Variants in AKR1B1 observed in about 807,000 individuals in gnomAD.
The protein encoded by AKR1B1 is aldo-keto reductase family 1 member B1.
A neutral mutation model predicts 40.4 loss-of-function variants in AKR1B1; 22 were observed. That is an observed-to-expected ratio of 0.54 (90% CI 0.39 to 0.78). AKR1B1 has a LOEUF of 0.78. Ranked by LOEUF, AKR1B1 falls within the 30% of genes least tolerant of loss-of-function variation. The probability of loss-of-function intolerance (pLI) is 0.00; values close to 1 mark genes in which losing one functional copy is unlikely to be tolerated. For synonymous variants in AKR1B1, 157 were observed against 149.9 expected (o/e 1.05, Z -0.35); for missense variants, 357 against 396.7 (o/e 0.90, Z 0.85).
Position 134,459,049 on chromosome 7 carries a change from A to G in AKR1B1, c.14T>C (p.Leu5Pro). The G allele has an allele frequency of 6.2e-7, 1 of 1,606,736 alleles. No individual in the cohort carries two copies. The highest frequency in any genetic ancestry group is 8.5e-7 in the Non-Finnish European group (1 of 1,177,256). Residue 5 changes from leucine (L) to proline (P), a missense_variant, in exon 1 of 10, where the codon CTC (leucine) becomes CCC (proline). Physicochemically the swap from Leu to Pro is moderately conservative, Grantham distance 98. Transcript: ENST00000285930. MASRLLLNNGAKMPI... is the reference protein window; with the variant it reads MASRPLLNNGAKMPI... ...CATCTTGGCGCCGTTGTTGAGCAGG[A>G]GACGGCTTGCCATGGCTGCTGCGCT...
chr7:134,448,359 C>T (rs6963238), intron 6 of AKR1B1, 28 bp downstream of exon 6: 3 of 1,555,166 alleles, frequency 1.9e-6, no homozygotes, highest in Non-Finnish European at 2.7e-6. Context: ...CCAAGTGACA[C>T]AGGAGCATGA....
chr7:134,446,798 A>G (rs995426461), intron 8 of AKR1B1, among the ~76,000 whole-genome samples: 7 of 152,266 alleles, frequency 4.6e-5, no homozygotes, highest in African/African-American at 1.4e-4. Context: ...TGGACTTATC[A>G]GCACAGCAAC....
intron 7 of AKR1B1, chr7:134,447,635 G>A (rs1806145260): frequency 1.6e-6 from 1 of 622,728 alleles, no homozygotes; most frequent in Non-Finnish European, 2.9e-6. Context: ...ACCACATGAG[G>A]CCCTCCACTG....
chr7:134,448,360 A>G (rs750094312), intron 6 of AKR1B1, 27 bp downstream of exon 6: 2 of 1,554,414 alleles, frequency 1.3e-6, no homozygotes, highest in Non-Finnish European at 1.8e-6. Context: ...CAAGTGACAC[A>G]GGAGCATGAG....
chr7:134,453,150 G>A (rs1806343827), intron 1 of AKR1B1, among the ~76,000 whole-genome samples: 2 of 152,162 alleles, frequency 1.3e-5, no homozygotes, highest in South Asian at 2.1e-4. Flanking sequence ...AAGAACAACT[G>A]GGGCCCAGGC....
At position 134,450,919 on chromosome 7, in the gene AKR1B1, G is replaced by GC. The variant is rs1562908660; in HGVS notation, c.235-18dup. On this transcript the variant is annotated splice_polypyrimidine_tract_variant and intron_variant, in intron 2 of 9. Transcript: ENST00000285930. ...GCACCACAGCTAAGCCAGCGAGAGG[G>GC]CACATGTCATCATTGCCAGCCACAA... The GC allele has an allele frequency of 6.2e-7, 1 of 1,602,440 alleles. No homozygotes were observed. The highest frequency in any genetic ancestry group is 1.1e-5 in the South Asian group (1 of 90,852).
At chr7:134,451,857 T>A in intron 1 of AKR1B1, 104 bp from the exon 2 acceptor site, 2 of 1,309,446 alleles carry the variant, frequency 1.5e-6, no homozygotes, top group Non-Finnish European at 2.1e-6. Flanking sequence ...TGCCACTTTG[T>A]TCAGCAAAGA....
In AKR1B1 at chr7:134,447,373, G is replaced by A. The variant is rs758595288; in HGVS notation, c.750C>T (p.Ile250=). ...KHNKTTAQVL[I]RFPMQRNLVV... The stretch of plus-strand genomic sequence containing the variant: ...CCAAGTTCCTCTGCATGGGGAACCG[G>A]ATCAGGACCTGTGAGCCCAAGGAGA... Residue 250 remains isoleucine (I), a synonymous_variant, in exon 8 of 10, where the codon ATC becomes ATT. Coordinates refer to ENST00000285930, the MANE Select transcript of AKR1B1 (RefSeq NM_001628.4). 2 of 1,614,050 alleles carry A rather than the reference G, an allele frequency of 1.2e-6. No homozygotes were observed. The highest frequency in any genetic ancestry group is 1.7e-6 in the Non-Finnish European group (2 of 1,179,994).
At chr7:134,452,779 T>C (rs112734762) in intron 1 of AKR1B1, among the ~76,000 whole-genome samples, 5 of 152,246 alleles carry the variant, frequency 3.3e-5, no homozygotes, top group African/African-American at 1.2e-4. Context: ...CAGACATCTG[T>C]GTTTTGACAT....
chr7:134,448,253 A>T, intron 6 of AKR1B1, 134 bp downstream of exon 6: 1 of 962,908 alleles, frequency 1.0e-6, no homozygotes, highest in Non-Finnish European at 1.6e-6. Context: ...CCCTTCCAGG[A>T]AAACCAGCAA....
At chr7:134,459,206 G>A (rs759853), upstream of AKR1B1, 367,849 of 979,370 alleles carry the variant, frequency 0.38, 70,332 homozygotes, top group Non-Finnish European at 0.41. Context: ...TGGTTGCGCT[G>A]GGGGTGCCGC....
Position 134,449,747 on chromosome 7 carries a change from A to C in AKR1B1, c.402T>G (p.Ser134Arg). 6.2e-7 allele frequency: 1 copy of C among 1,614,138 alleles called. No homozygotes were observed. Among genetic ancestry groups the C allele is most frequent in the Non-Finnish European group, 8.5e-7 (1 of 1,179,976 alleles). ...CCCACGTGTCCAGAATGTTGGTGTC[A>C]CTGGGAACCACATTGCCCGACTCAT... ...PLDESGNVVP[S>R]DTNILDTWAA... Residue 134 changes from serine (S) to arginine (R), a missense_variant, in exon 4 of 10, where the codon AGT becomes AGG. Ser to Arg is a moderately radical substitution (Grantham distance 110). Transcript: ENST00000285930.
chr7:134,443,612 G>A (rs1482762869), intron 9 of AKR1B1, among the ~76,000 whole-genome samples: 4 of 151,186 alleles, frequency 2.6e-5, no homozygotes, highest in African/African-American at 7.3e-5. Flanking sequence ...GAGCACAGGT[G>A]CAGACGTGTT....
At chr7:134,455,928 G>T (rs534432971) in intron 1 of AKR1B1, among the ~76,000 whole-genome samples, 1 of 152,294 alleles carries the variant, frequency 6.6e-6, no homozygotes, top group East Asian at 1.9e-4. Context: ...AAGCCACATG[G>T]GTCTGGGGCA....
At chr7:134,446,258 G>C (rs1233259937) in intron 8 of AKR1B1, among the ~76,000 whole-genome samples, 4 of 152,150 alleles carry the variant, frequency 2.6e-5, no homozygotes, top group Non-Finnish European at 5.9e-5. Flanking sequence ...TGTGTACTTA[G>C]AACATCTACC....
intron 4 of AKR1B1, 51 bp from the exon 5 acceptor site, chr7:134,449,170 G>T: frequency 6.2e-7 from 1 of 1,609,966 alleles, no homozygotes. Flanking sequence ...GAAAGGACAG[G>T]ATCAGAAGTG....
At chr7:134,452,032 C>A (rs1806304589) in intron 1 of AKR1B1, among the ~76,000 whole-genome samples, 2 of 152,226 alleles carry the variant, frequency 1.3e-5, no homozygotes. Context: ...CATTTTCTTG[C>A]TTCTTCACAT....
In AKR1B1 at chr7:134,449,072, G is replaced by A. The variant is rs746128224; in HGVS notation, c.477C>T (p.Ile159=). ...CCACCTGGAGATGGTTGAAGTTGGA[G>A]ATGCCAATAGCTTTCACCAGCCCTT... is the stretch of plus-strand genomic sequence containing the variant. ...VDEGLVKAIG[I]SNFNHLQVEM... is the part of the protein sequence containing the mutation. Residue 159 remains isoleucine (I), a synonymous_variant, in exon 5 of 10, where the codon ATC becomes ATT. Coordinates refer to ENST00000285930, the MANE Select transcript of AKR1B1 (RefSeq NM_001628.4). 3.7e-6 allele frequency: 6 copies of A among 1,614,088 alleles called. No individual in the cohort carries two copies. The highest frequency in any genetic ancestry group is 5.1e-6 in the Non-Finnish European group (6 of 1,179,990).
At chr7:134,445,463 G>A in intron 8 of AKR1B1, 143 bp from the exon 9 acceptor site, 1 of 736,884 alleles carries the variant, frequency 1.4e-6, no homozygotes. Flanking sequence ...TGATATATTA[G>A]TATTCAGGAA....
Sources: gnomAD v4.1 joint callset for allele counts (sites outside exome capture counted in the v4.1 genomes callset) on GRCh38, gnomAD v4.1.1 for gene constraint, MANE v1.5 for transcripts, NCBI Gene and HGNC (gene_info 2026-07-23, HGNC 2026-07-21) for gene names.